The following PLD5 variants were observed in gnomAD, a reference collection of about 807,000 sequenced individuals.
PLD5 encodes the protein inactive phospholipase D5.
PLD5 carries 36 observed loss-of-function variants against 61.1 expected under a neutral mutation model. That is an observed-to-expected ratio of 0.59 (90% CI 0.45 to 0.78). The LOEUF is 0.78. Among genes scored for constraint, PLD5 ranks in the 30% least tolerant of loss-of-function variants. The pLI is 0.00. For synonymous variants in PLD5, 243 were observed against 242.8 expected, an observed-to-expected ratio of 1.00 and a Z score of -0.01; for missense variants, 515 against 644.4, an observed-to-expected ratio of 0.80 and a Z score of 2.17.
At chr1:242,369,456 T>C (rs1421456163) in intron 1 of PLD5, among the ~76,000 whole-genome samples, 1 of 152,112 alleles carries the variant, frequency 6.6e-6, no homozygotes, top group Non-Finnish European at 1.5e-5. Flanking sequence ...GCATTATTTG[T>C]GAAAAAAATG....
At chr1:242,144,265 A>T (rs867303251) in intron 5 of PLD5, among the ~76,000 whole-genome samples, 181 of 26,782 alleles carry the variant, frequency 6.8e-3, no homozygotes, top group African/African-American at 0.048. Context: ...TTTTTTTTTA[A>T]AATATTATTA....
chr1:242,477,746 G>T (rs753288019), intron 1 of PLD5, among the ~76,000 whole-genome samples: 1 of 152,200 alleles, frequency 6.6e-6, no homozygotes, highest in Non-Finnish European at 1.5e-5. Flanking sequence ...ATCAGGTTCA[G>T]TATAAGCAAA....
At chr1:242,496,954 C>T (rs1319323201) in intron 1 of PLD5, among the ~76,000 whole-genome samples, 1 of 152,200 alleles carries the variant, frequency 6.6e-6, no homozygotes, top group African/African-American at 2.4e-5. Flanking sequence ...CCTTCTTGCC[C>T]TTCCTCCATC....
intron 4 of PLD5, among the ~76,000 whole-genome samples, chr1:242,253,595 G>T (rs1445372782): frequency 6.6e-6 from 1 of 152,056 alleles, no homozygotes; most frequent in Non-Finnish European, 1.5e-5. Context: ...TTACAGGCGT[G>T]AGCCACCGCG....
chr1:242,494,393 A>C lies in PLD5; in HGVS notation c.189+29695T>G, dbSNP rs114531227. On this transcript the variant is annotated intron_variant, in intron 1 of 9. Coordinates refer to ENST00000536534, the MANE Select transcript of PLD5 (RefSeq NM_001372062.1). Reference sequence around the variant, plus strand: ...AGCAGCCTCCCTCTGCTTTTGGATAAAGGCTTTAAGCTGATGGTTTATCCC... The same window carrying C: ...AGCAGCCTCCCTCTGCTTTTGGATACAGGCTTTAAGCTGATGGTTTATCCC... 6.7e-3 allele frequency among the ~76,000 whole-genome samples: 1,016 copies of C among 152,154 alleles called. 11 individuals carry two copies. Among genetic ancestry groups the C allele is most frequent in the African/African-American group, 0.023 (973 of 41,502 alleles).
chr1:242,167,223 G>C (rs1382674224), intron 5 of PLD5, among the ~76,000 whole-genome samples: 2 of 152,046 alleles, frequency 1.3e-5, no homozygotes, highest in African/African-American at 4.8e-5. Context: ...TTATTAGTTT[G>C]TTCTCATGCT....
At chr1:242,332,545 G>A (rs1014753854) in intron 2 of PLD5, among the ~76,000 whole-genome samples, 2 of 152,204 alleles carry the variant, frequency 1.3e-5, no homozygotes, top group African/African-American at 2.4e-5. Context: ...TCCAGCATCT[G>A]TTGTTTTCCT....
rs867339776 is a variant in PLD5, at chr1:242,183,416, C to T, written c.735+36572G>A. 5.9e-5 allele frequency among the ~76,000 whole-genome samples: 9 copies of T among 152,132 alleles called. No individual in the cohort carries two copies. In the Middle Eastern group the frequency reaches 0.01, roughly 172 times the overall value. The stretch of plus-strand genomic sequence containing the variant: ...TGTATAATGCTTTATTTGTCAAATG[C>T]AATGAGAACCCACCGCCGGTCATGG... On this transcript the variant is annotated intron_variant, in intron 5 of 9. Transcript: ENST00000536534.
intron 2 of PLD5, among the ~76,000 whole-genome samples, chr1:242,302,183 C>T (rs1192306942): frequency 6.6e-6 from 1 of 152,148 alleles, no homozygotes; most frequent in African/African-American, 2.4e-5. Flanking sequence ...TGTGCAGGTT[C>T]GTAGCCCAGG....
intron 1 of PLD5, among the ~76,000 whole-genome samples, chr1:242,468,676 T>TACAC (rs551565564): frequency 2.6e-5 from 4 of 151,160 alleles, no homozygotes; most frequent in Admixed American, 1.3e-4. Context: ...TGTAAATACA[T>TACAC]ACACACACAC....
At chr1:242,359,298 C>T (rs1207004597) in intron 1 of PLD5, among the ~76,000 whole-genome samples, 2 of 152,096 alleles carry the variant, frequency 1.3e-5, no homozygotes, top group Non-Finnish European at 2.9e-5. Flanking sequence ...CCTCACCTCT[C>T]TTTTTTGACT....
intron 2 of PLD5, among the ~76,000 whole-genome samples, chr1:242,329,482 C>T (rs1268526259): frequency 6.6e-6 from 1 of 152,176 alleles, no homozygotes; most frequent in Non-Finnish European, 1.5e-5. Context: ...GTCCACTATG[C>T]AGTACCAGCT....
intron 1 of PLD5, among the ~76,000 whole-genome samples, chr1:242,357,291 C>T (rs2489478): frequency 0.95 from 142,213 of 150,166 alleles, 67,815 homozygotes; most frequent in Non-Finnish European, 1. Context: ...AGAAGTCTAC[C>T]GATGATTGTA....
intron 1 of PLD5, among the ~76,000 whole-genome samples, chr1:242,420,234 A>G (rs1183546827): frequency 1.3e-5 from 2 of 152,184 alleles, no homozygotes; most frequent in Non-Finnish European, 2.9e-5. Context: ...ATTTAAAAAG[A>G]TTAAGTTACT....
At chr1:242,101,247 C>T (rs1280243269) in intron 8 of PLD5, among the ~76,000 whole-genome samples, 1 of 151,422 alleles carries the variant, frequency 6.6e-6, no homozygotes, top group Non-Finnish European at 1.5e-5. Context: ...GCCATAGGAA[C>T]ATAGGAACAA....
chr1:242,364,782 T>A (rs1415535441), intron 1 of PLD5, among the ~76,000 whole-genome samples: 3 of 152,162 alleles, frequency 2.0e-5, no homozygotes, highest in African/African-American at 7.2e-5. Context: ...GATAAATGTA[T>A]ACTTTAAAAA....
chr1:242,118,447 A>T (rs1662116748), intron 6 of PLD5, among the ~76,000 whole-genome samples: 1 of 152,192 alleles, frequency 6.6e-6, no homozygotes, highest in Non-Finnish European at 1.5e-5. Flanking sequence ...CGCATGTTAC[A>T]TGGCATTGCA....
At position 242,288,312 on chromosome 1, in the gene PLD5, G is replaced by A. The variant is rs757504864; in HGVS notation, c.495+50C>T. ...GTGGAGGAGCAGAATACTAAGGAGT[G>A]GAAAATGCACATAAGTAAAATCATC... On this transcript the variant is annotated intron_variant, in intron 3 of 9. Transcript: ENST00000536534. 5 of 1,588,458 alleles carry A rather than the reference G, an allele frequency of 3.1e-6. No homozygotes were observed. The South Asian group carries it at 5.8e-5, about 18-fold the overall frequency.
intron 1 of PLD5, among the ~76,000 whole-genome samples, chr1:242,508,971 C>T (rs1668817773): frequency 1.3e-5 from 2 of 152,156 alleles, no homozygotes; most frequent in South Asian, 4.1e-4. Flanking sequence ...ATCTTAGCTA[C>T]TCAGGGGGCT....
Sources: allele counts gnomAD v4.1 joint callset (sites outside exome capture counted in the v4.1 genomes callset), GRCh38; gene constraint gnomAD v4.1.1; transcripts MANE v1.5; gene names NCBI Gene and HGNC (gene_info 2026-07-23, HGNC 2026-07-21).